STAU2: variants seen among roughly 807,000 people sequenced by gnomAD.
The protein encoded by STAU2 is double-stranded RNA-binding protein Staufen homolog 2.
A neutral mutation model predicts 65.9 loss-of-function variants in STAU2; 20 were observed. The ratio of observed to expected loss-of-function variants is 0.30; its 90% CI spans 0.21 to 0.44. The LOEUF (loss-of-function observed/expected upper bound fraction) is 0.44. STAU2 is among the 20% of genes least tolerant of loss of function. The pLI is 1.00. For synonymous variants in STAU2, 232 were observed against 233.9 expected (o/e 0.99, Z 0.07); for missense variants, 558 against 683.9 (o/e 0.82, Z 2.05).
intron 13 of STAU2, among the ~76,000 whole-genome samples, chr8:73,474,984 G>A (rs929048430): frequency 6.6e-6 from 1 of 152,184 alleles, no homozygotes; most frequent in Non-Finnish European, 1.5e-5. Flanking sequence ...TTGAGTGAAA[G>A]AAACAGAAAA....
At chr8:73,681,263 A>T (rs891531497) in intron 5 of STAU2, among the ~76,000 whole-genome samples, 16 of 152,168 alleles carry the variant, frequency 1.1e-4, no homozygotes, top group African/African-American at 3.9e-4. Flanking sequence ...TAAATAGCAG[A>T]TTTCTCAGCA....
At chr8:73,475,054 C>T (rs1820244553) in intron 13 of STAU2, among the ~76,000 whole-genome samples, 1 of 152,016 alleles carries the variant, frequency 6.6e-6, no homozygotes, top group South Asian at 2.1e-4. Context: ...ACGCAAAGTA[C>T]AAAAACAAAC....
intron 13 of STAU2, among the ~76,000 whole-genome samples, chr8:73,510,310 T>A (rs1315969908): frequency 2.0e-5 from 3 of 152,124 alleles, no homozygotes; most frequent in Non-Finnish European, 4.4e-5. Flanking sequence ...TCTCATGTGA[T>A]CCGCCCACCT....
intron 6 of STAU2, chr8:73,651,193 G>A (rs549953752): frequency 7.1e-5 from 70 of 991,542 alleles, no homozygotes; most frequent in African/African-American, 2.4e-4. Flanking sequence ...CCCTCAGGCC[G>A]TCAGCATCAA....
chr8:73,547,510 A>G (rs934134104), intron 13 of STAU2, among the ~76,000 whole-genome samples: 25 of 152,168 alleles, frequency 1.6e-4, no homozygotes, highest in African/African-American at 5.5e-4. Flanking sequence ...GTTTGCATGA[A>G]CTGGGGCTGC....
intron 13 of STAU2, among the ~76,000 whole-genome samples, chr8:73,433,698 G>A (rs749781239): frequency 2.1e-4 from 31 of 151,174 alleles, no homozygotes; most frequent in African/African-American, 1.2e-4. Context: ...ACATGGTTTC[G>A]CCATGTTGGC....
At chr8:73,709,249 T>C in intron 3 of STAU2, 87 bp from the exon 4 acceptor site, 3 of 1,125,284 alleles carry the variant, frequency 2.7e-6, no homozygotes, top group Non-Finnish European at 3.6e-6. Flanking sequence ...AGGTAGATTG[T>C]ATATTTAAAT....
At chr8:73,486,977 T>C (rs1291987996) in intron 13 of STAU2, among the ~76,000 whole-genome samples, 1 of 152,106 alleles carries the variant, frequency 6.6e-6, no homozygotes, top group Non-Finnish European at 1.5e-5. Flanking sequence ...AACAGGGTTA[T>C]TTCAAGCTGG....
chr8:73,697,796 T>C (rs1471873753), intron 4 of STAU2, among the ~76,000 whole-genome samples: 3 of 152,132 alleles, frequency 2.0e-5, no homozygotes, highest in African/African-American at 7.2e-5. Context: ...GTATTAGTAT[T>C]TGCACCGGCG....
At chr8:73,469,116 T>C (rs1819826743) in intron 13 of STAU2, among the ~76,000 whole-genome samples, 1 of 152,190 alleles carries the variant, frequency 6.6e-6, no homozygotes, top group African/African-American at 2.4e-5. Context: ...CATGGAATAC[T>C]ATGCAGCCAT....
chr8:73,700,602 TAACTC>T (rs1586302544), intron 4 of STAU2, among the ~76,000 whole-genome samples: 1 of 152,152 alleles, frequency 6.6e-6, no homozygotes, highest in East Asian at 1.9e-4. Context: ...ACCTAGGAAT[TAACTC>T]AACCAAGGAA....
At position 73,720,495 on chromosome 8, in the gene STAU2, CTTTCTTTT is replaced by C. The variant is rs1232221040; in HGVS notation, c.-17-11341_-17-11334del. On this transcript the variant is annotated intron_variant, in intron 3 of 14. Transcript: ENST00000524300. ...TGCTGTTGTCATTTAGTTTAAAATACTTTCTTTTTTTTTTTTTTTTTTTTTTTTGAGAC... is the reference window on the plus strand; with the variant it reads ...TGCTGTTGTCATTTAGTTTAAAATACTTTTTTTTTTTTTTTTTTTTGAGAC... 3.9e-4 allele frequency among the ~76,000 whole-genome samples: 17 copies of C among 43,634 alleles called. 2 individuals are homozygous for C. In the East Asian group the frequency reaches 0.017, roughly 43 times the overall value. The allele number at this position is 43,634 out of a possible 152,430, so 28.6% of individuals were successfully genotyped here. A position where few individuals can be genotyped will look rare whatever the true frequency, so the allele number is the denominator to read the frequency against.
At chr8:73,640,056 TA>T (rs1814836450) in intron 6 of STAU2, among the ~76,000 whole-genome samples, 1 of 152,084 alleles carries the variant, frequency 6.6e-6, no homozygotes, top group South Asian at 2.1e-4. Flanking sequence ...TAATTATTTT[TA>T]AAAAGAACTT....
chr8:73,709,265 TCA>T, intron 3 of STAU2, 103 bp from the exon 4 acceptor site: 1 of 1,053,718 alleles, frequency 9.5e-7, no homozygotes, highest in Non-Finnish European at 1.3e-6. Flanking sequence ...TAAATTATTT[TCA>T]TGAATTTTGT....
chr8:73,442,222 C>T (rs192352789), intron 13 of STAU2, among the ~76,000 whole-genome samples: 10 of 151,864 alleles, frequency 6.6e-5, no homozygotes, highest in East Asian at 1.9e-4. Flanking sequence ...GGTGTGGTGG[C>T]GGGTGCCTGT....
intron 6 of STAU2, among the ~76,000 whole-genome samples, chr8:73,633,841 C>T (rs1370210470): frequency 2.6e-5 from 4 of 151,828 alleles, no homozygotes; most frequent in Non-Finnish European, 2.9e-5. Context: ...ATTAGCCAGG[C>T]GTGGTGGTGG....
intron 11 of STAU2, among the ~76,000 whole-genome samples, chr8:73,587,082 A>G (rs1810429638): frequency 6.6e-6 from 1 of 152,200 alleles, no homozygotes; most frequent in Non-Finnish European, 1.5e-5. Flanking sequence ...AAGCATCGAG[A>G]GGGAAGAGAA....
At chr8:73,651,278 G>T in intron 6 of STAU2, 1 of 662,086 alleles carries the variant, frequency 1.5e-6, no homozygotes, top group Non-Finnish European at 2.7e-6. Flanking sequence ...AACGCCTGGC[G>T]GGCCCCACTG....
intron 4 of STAU2, among the ~76,000 whole-genome samples, chr8:73,700,313 C>A (rs1820003014): frequency 6.6e-6 from 1 of 151,944 alleles, no homozygotes; most frequent in Non-Finnish European, 1.5e-5. Flanking sequence ...ACTGAAAGTA[C>A]TAGCTAGAGC....
Sources: allele counts gnomAD v4.1 joint callset (sites outside exome capture counted in the v4.1 genomes callset), GRCh38; gene constraint gnomAD v4.1.1; transcripts MANE v1.5; gene names NCBI Gene and HGNC (gene_info 2026-07-23, HGNC 2026-07-21).